DIAPH2: variants seen among roughly 807,000 people sequenced by gnomAD.
The protein encoded by DIAPH2 is protein diaphanous homolog 2.
A neutral mutation model predicts 92.7 loss-of-function variants in DIAPH2; 35 were observed. The observed-to-expected ratio is 0.38, with a 90% CI of 0.29 to 0.50. The LOEUF (loss-of-function observed/expected upper bound fraction) is 0.50. Among genes scored for constraint, DIAPH2 ranks in the 20% least tolerant of loss-of-function variants. The probability of loss-of-function intolerance (pLI) is 0.94; values close to 1 mark genes in which losing one functional copy is unlikely to be tolerated. For synonymous variants in DIAPH2, 301 were observed against 280.4 expected, an observed-to-expected ratio of 1.07 and a Z score of -0.73; for missense variants, 701 against 819.5, an observed-to-expected ratio of 0.86 and a Z score of 1.77.
At chrX:96,933,750 C>T (rs1378059163) in intron 10 of DIAPH2, among the ~76,000 whole-genome samples, 22 of 101,946 alleles carry the variant, frequency 2.2e-4, no homozygotes, top group African/African-American at 7.5e-4. Flanking sequence ...ACTACAGGTG[C>T]GCGCCATCAT....
chrX:97,308,299 C>T (rs2068763817), intron 23 of DIAPH2, among the ~76,000 whole-genome samples: 1 of 111,616 alleles, frequency 9.0e-6, no homozygotes, highest in South Asian at 3.8e-4. Flanking sequence ...GCTGCTTAAC[C>T]TACTCTTGTC....
At chrX:97,045,296 C>T (rs2066473855) in intron 17 of DIAPH2, among the ~76,000 whole-genome samples, 1 of 111,610 alleles carries the variant, frequency 9.0e-6, no homozygotes, top group African/African-American at 3.3e-5. Flanking sequence ...AGAGTTATGC[C>T]TTGGCCATCT....
chrX:96,923,805 C>T (rs777117050), intron 9 of DIAPH2, among the ~76,000 whole-genome samples: 2 of 111,425 alleles, frequency 1.8e-5, no homozygotes, highest in Non-Finnish European at 3.8e-5. Context: ...CAGTACCTCC[C>T]GAGATACTGA....
intron 4 of DIAPH2, among the ~76,000 whole-genome samples, chrX:96,860,481 A>G (rs1007989747): frequency 6.2e-5 from 7 of 112,273 alleles, no homozygotes; most frequent in Admixed American, 4.7e-4. Flanking sequence ...GCCTAATACC[A>G]TGAAATTTGT....
chrX:97,476,124 G>C (rs940441020), intron 26 of DIAPH2, among the ~76,000 whole-genome samples: 3 of 111,909 alleles, frequency 2.7e-5, no homozygotes, highest in Admixed American at 9.5e-5. Flanking sequence ...ATTAATTTGG[G>C]TCTATTTAAA....
intron 4 of DIAPH2, among the ~76,000 whole-genome samples, chrX:96,813,680 C>T (rs1166437986): frequency 9.0e-6 from 1 of 111,604 alleles, no homozygotes; most frequent in East Asian, 2.8e-4. Flanking sequence ...CCTTTCCATG[C>T]TTAGTGCTTC....
chrX:96,736,692 C>T (rs1338102840), intron 2 of DIAPH2, among the ~76,000 whole-genome samples: 5 of 112,133 alleles, frequency 4.5e-5, no homozygotes, highest in East Asian at 5.6e-4. Context: ...CGTGAGCCAC[C>T]GCACCCAGCC....
chrX:97,570,125 AGAAG>A (rs2071359454), intron 26 of DIAPH2, among the ~76,000 whole-genome samples: 2 of 10,204 alleles, frequency 2.0e-4, no homozygotes, highest in African/African-American at 4.6e-4. Flanking sequence ...TATATATATT[AGAAG>A]ATAGATAGAT....
intron 24 of DIAPH2, among the ~76,000 whole-genome samples, chrX:97,349,022 G>GTA (rs1281763013): frequency 9.4e-6 from 1 of 105,827 alleles, no homozygotes; most frequent in African/African-American, 3.5e-5. Context: ...ATATATATGT[G>GTA]TATATATATG....
intron 3 of DIAPH2, among the ~76,000 whole-genome samples, chrX:96,741,908 C>G (rs1474006326): frequency 1.8e-5 from 2 of 112,063 alleles, no homozygotes; most frequent in Admixed American, 9.5e-5. Context: ...TCAGGCCACT[C>G]CTTTTCAGTC....
At chrX:96,814,924 G>A (rs946119312) in intron 4 of DIAPH2, among the ~76,000 whole-genome samples, 2 of 111,155 alleles carry the variant, frequency 1.8e-5, no homozygotes, top group African/African-American at 3.3e-5. Flanking sequence ...AGGGTCACCC[G>A]CCTGTATTAG....
At chrX:96,761,215 C>T (rs1224691039) in intron 4 of DIAPH2, among the ~76,000 whole-genome samples, 1 of 111,143 alleles carries the variant, frequency 9.0e-6, no homozygotes, top group African/African-American at 3.3e-5. Flanking sequence ...GTTAGTTTGT[C>T]AAATGCCAGT....
chrX:96,722,028 C>T (rs1343211800), intron 1 of DIAPH2, among the ~76,000 whole-genome samples: 1 of 111,132 alleles, frequency 9.0e-6, no homozygotes, highest in Non-Finnish European at 1.9e-5. Context: ...TTAACAATTT[C>T]CTTTTAGGTA....
intron 17 of DIAPH2, among the ~76,000 whole-genome samples, chrX:97,004,655 T>G (rs1441057564): frequency 1.8e-5 from 2 of 112,202 alleles, no homozygotes; most frequent in Non-Finnish European, 3.8e-5. Flanking sequence ...GTTGATTTTG[T>G]GTCCTGCAAC....
At chrX:97,215,078 T>C (rs903786386) in intron 22 of DIAPH2, among the ~76,000 whole-genome samples, 5 of 111,003 alleles carry the variant, frequency 4.5e-5, no homozygotes, top group African/African-American at 1.6e-4. Flanking sequence ...AGTTTATATA[T>C]AGCATGCAAT....
At chrX:97,484,925 A>G (rs759847667) in intron 26 of DIAPH2, among the ~76,000 whole-genome samples, 45 of 112,198 alleles carry the variant, frequency 4.0e-4, no homozygotes, top group African/African-American at 1.2e-3. Flanking sequence ...CATCCCCATC[A>G]CTTCATCTTA....
rs1460480856 is a variant in DIAPH2 at position 97,603,793 on chromosome X, C to A, written c.*4476C>A. The A allele has an allele frequency of 8.9e-6, 1 of 112,073 alleles. No individual in the cohort carries two copies. Among genetic ancestry groups the A allele is most frequent in the African/African-American group, 3.2e-5 (1 of 30,808 alleles). 9.2% of individuals were successfully genotyped at this position (112,073 alleles called of 1,213,427 possible). On this transcript the variant is annotated 3_prime_UTR_variant, in exon 27 of 27. Coordinates refer to ENST00000324765, the MANE Select transcript of DIAPH2 (RefSeq NM_006729.5). The stretch of plus-strand genomic sequence containing the variant: ...AATAAAATCTTCATTTCCTTCTAAA[C>A]CATCACTAGAAATGCCTTTAACATT...
intron 26 of DIAPH2, among the ~76,000 whole-genome samples, chrX:97,490,275 T>G (rs2070716664): frequency 9.0e-6 from 1 of 110,708 alleles, no homozygotes; most frequent in Non-Finnish European, 1.9e-5. Flanking sequence ...ATCTTTCATT[T>G]CTGATTTTGA....
At chrX:96,887,729 A>G (rs768802438) in intron 5 of DIAPH2, among the ~76,000 whole-genome samples, 45 of 111,580 alleles carry the variant, frequency 4.0e-4, no homozygotes, top group Non-Finnish European at 7.5e-4. Flanking sequence ...TTTACTTTTT[A>G]TAACAGCAAT....
Sources: allele counts gnomAD v4.1 joint callset (sites outside exome capture counted in the v4.1 genomes callset), GRCh38; gene constraint gnomAD v4.1.1; transcripts MANE v1.5; gene names NCBI Gene and HGNC (gene_info 2026-07-23, HGNC 2026-07-21).